Variants in ESRP1 observed in about 807,000 individuals in gnomAD.
ESRP1 encodes RNA-binding motif protein 35A.
A neutral mutation model predicts 81.7 loss-of-function variants in ESRP1; 33 were observed. That is an observed-to-expected ratio of 0.40 (90% CI 0.31 to 0.54). The LOEUF is 0.54. ESRP1 is among the 20% of genes least tolerant of loss of function. ESRP1 has a pLI of 0.41. For synonymous variants in ESRP1, 320 were observed against 303.3 expected, an observed-to-expected ratio of 1.06 and a Z score of -0.57; for missense variants, 672 against 833.1, an observed-to-expected ratio of 0.81 and a Z score of 2.38.
At chr8:94,678,137 T>C in intron 12 of ESRP1, 66 bp from the exon 13 acceptor site, 5 of 1,520,112 alleles carry the variant, frequency 3.3e-6, no homozygotes, top group African/African-American at 1.4e-5. Context: ...ACTATGTTTT[T>C]AGTGCTAGCA....
intron 4 of ESRP1, among the ~76,000 whole-genome samples, chr8:94,659,529 GCATCTAACCTT>G (rs1427434819): frequency 1.3e-5 from 2 of 152,140 alleles, no homozygotes; most frequent in East Asian, 3.8e-4. Flanking sequence ...CCCTACAACA[GCATCTAACCTT>G]TCAAATGAAA....
In ESRP1 at chr8:94,696,930, C is replaced by G; in HGVS notation, c.*4C>G. 6.3e-7 allele frequency: 1 copy of G among 1,579,112 alleles called. No homozygotes were observed. The highest frequency in any genetic ancestry group is 1.2e-5 in the South Asian group (1 of 85,836). On this transcript the variant is annotated 3_prime_UTR_variant, in exon 15 of 16. Transcript: ENST00000433389. ...CAAAGAATGGGTTTGTATTTAAGGG[C>G]CCCAGCAGTTAGAACATCCTCAGAA...
Position 94,689,811 on chromosome 8 carries a change from C to CTTT in ESRP1, c.1821-2843_1821-2841dup, listed in dbSNP as rs58359551. 5.8e-3 allele frequency among the ~76,000 whole-genome samples: 373 copies of CTTT among 64,608 alleles called. 9 individuals are homozygous for CTTT. Among genetic ancestry groups the CTTT allele is most frequent in the African/African-American group, 0.015 (214 of 14,480 alleles). The allele number at this position is 64,608 out of a possible 152,430, so 42.4% of individuals were successfully genotyped here. On this transcript the variant is annotated intron_variant, in intron 13 of 15. Coordinates refer to ENST00000433389, the MANE Select transcript of ESRP1 (RefSeq NM_017697.4). The stretch of plus-strand genomic sequence containing the variant: ...CACAGGCATGTGCTATGATGCCTGG[C>CTTT]TTTTTTTTTTTTTTTTTTTTTTTTT...
At position 94,705,037 on chromosome 8, in the gene ESRP1, C is replaced by A. The variant is rs988990477; in HGVS notation, c.*36-888C>A. 2.0e-5 allele frequency among the ~76,000 whole-genome samples: 3 copies of A among 151,510 alleles called. No individual in the cohort carries two copies. The East Asian group carries it at 5.9e-4, about 30-fold the overall frequency. On this transcript the variant is annotated intron_variant, in intron 15 of 15. Transcript: ENST00000433389. ...TCTAAAATGGGGATAACAAGGTAAT[C>A]TAAAAGGTTGTATGTGGGGATGAAA...
At chr8:94,675,980 A>G (rs776812386) in intron 12 of ESRP1, among the ~76,000 whole-genome samples, 8 of 152,198 alleles carry the variant, frequency 5.3e-5, no homozygotes, top group Non-Finnish European at 8.8e-5. Context: ...CTTTTATGCA[A>G]CTTCTTAAAG....
intron 10 of ESRP1, among the ~76,000 whole-genome samples, chr8:94,670,632 T>C (rs1016329308): frequency 1.3e-5 from 2 of 152,246 alleles, no homozygotes; most frequent in African/African-American, 4.8e-5. Flanking sequence ...ACTTCTAGTA[T>C]TATGAACTAG....
chr8:94,643,308 C>T lies in ESRP1; in HGVS notation c.267C>T (p.Asn89=), dbSNP rs1433839492. 3 of 1,602,812 alleles carry T rather than the reference C, an allele frequency of 1.9e-6. No homozygotes were observed. The highest frequency in any genetic ancestry group is 2.6e-6 in the Non-Finnish European group (3 of 1,169,756). ...SQLDQALRQF[N]QSVSNELNIG... is the part of the protein sequence containing the mutation. ...TGTGTATCTTGTTCTTGCAGTTTAA[C>T]CAGTCAGTGAGCAATGAACTGAATA... The change falls in exon 3 of 16, where the codon AAC becomes AAT. Residue 89 remains asparagine (N), a synonymous_variant. Transcript: ENST00000433389.
intron 4 of ESRP1, chr8:94,646,492 T>C (rs1018655218): frequency 2.4e-6 from 1 of 413,994 alleles, no homozygotes; most frequent in Non-Finnish European, 4.3e-6. Context: ...GATTTGGAGA[T>C]GGATTTTTTG....
rs552295285 is a variant in ESRP1, at chr8:94,648,850, G to A, written c.490+2568G>A. 6.6e-5 allele frequency among the ~76,000 whole-genome samples: 10 copies of A among 152,330 alleles called. No individual in the cohort carries two copies. The East Asian group carries it at 1.9e-3, about 29-fold the overall frequency. On this transcript the variant is annotated intron_variant, in intron 4 of 15. Coordinates refer to ENST00000433389, the MANE Select transcript of ESRP1 (RefSeq NM_017697.4). ...AGAAATATCAATTTGGACCCTCAGT[G>A]ATGTCACAATATTCTAAGTGTTTTG... is the stretch of plus-strand genomic sequence containing the variant.
chr8:94,682,961 T>TTTTG (rs1261616183), intron 13 of ESRP1, among the ~76,000 whole-genome samples: 17 of 104,176 alleles, frequency 1.6e-4, no homozygotes, highest in Non-Finnish European at 3.0e-4. Flanking sequence ...TTTTTTTTTT[T>TTTTG]GAGACGGAGT....
At position 94,689,811 on chromosome 8, in the gene ESRP1, C is replaced by CTTTTTTTTTTTTTTTTTTTTTTT. The variant is rs58359551; in HGVS notation, c.1821-2863_1821-2841dup. 1.0e-3 allele frequency among the ~76,000 whole-genome samples: 67 copies of CTTTTTTTTTTTTTTTTTTTTTTT among 64,650 alleles called. 7 individuals carry two copies. The highest frequency in any genetic ancestry group is 1.3e-3 in the Non-Finnish European group (45 of 33,650). 42.4% of individuals were successfully genotyped at this position (64,650 alleles called of 152,430 possible). A position where few individuals can be genotyped will look rare whatever the true frequency, so the allele number is the denominator to read the frequency against. Reference sequence around the variant, plus strand: ...CACAGGCATGTGCTATGATGCCTGGCTTTTTTTTTTTTTTTTTTTTTTTTT... The same window carrying CTTTTTTTTTTTTTTTTTTTTTTT: ...CACAGGCATGTGCTATGATGCCTGGCTTTTTTTTTTTTTTTTTTTTTTTTTTTTTTTTTTTTTTTTTTTTTTTT... On this transcript the variant is annotated intron_variant, in intron 13 of 15. Transcript: ENST00000433389.
At chr8:94,686,131 G>A (rs971207283) in intron 13 of ESRP1, among the ~76,000 whole-genome samples, 6 of 152,120 alleles carry the variant, frequency 3.9e-5, no homozygotes, top group Non-Finnish European at 8.8e-5. Flanking sequence ...GTTTTGCCAT[G>A]TTGGCCAGAG....
At chr8:94,686,941 T>G (rs1460121206) in intron 13 of ESRP1, among the ~76,000 whole-genome samples, 1 of 152,226 alleles carries the variant, frequency 6.6e-6, no homozygotes, top group Non-Finnish European at 1.5e-5. Context: ...CACATGATTT[T>G]TATTACAGCT....
In ESRP1 at chr8:94,695,539, A is replaced by G. The variant is rs1159813574; in HGVS notation, c.1972-1313A>G. Among the ~76,000 whole-genome samples the G allele has an allele frequency of 2.0e-5, 3 of 150,786 alleles. No individual in the cohort carries two copies. The East Asian group carries it at 5.9e-4, about 30-fold the overall frequency. ...GGCTAATATTTTGTATTTTTTTGGTAGAGATGGGGTTTTACCATGCTGGCC... is the reference window on the plus strand; with the variant it reads ...GGCTAATATTTTGTATTTTTTTGGTGGAGATGGGGTTTTACCATGCTGGCC... On this transcript the variant is annotated intron_variant, in intron 14 of 15. Coordinates refer to ENST00000433389, the MANE Select transcript of ESRP1 (RefSeq NM_017697.4).
rs1194533404 is a variant in ESRP1, at chr8:94,642,073, G to A, written c.250G>A (p.Ala84Thr). The change falls in exon 2 of 16, where the codon GCC becomes ACC. Residue 84 changes from alanine to threonine, a missense_variant. By Grantham distance (58) the Ala-to-Thr change is moderately conservative. Coordinates refer to ENST00000433389, the MANE Select transcript of ESRP1 (RefSeq NM_017697.4). ...SLSSASQLDQ[A>T]LRQFNQSVSN... ...GTCCTCGGCGTCGCAGCTGGACCAA[G>A]CCCTCCGACAGGTGACAACCCCGGG... 3 of 1,612,008 alleles carry A rather than the reference G, an allele frequency of 1.9e-6. No individual in the cohort carries two copies. The highest frequency in any genetic ancestry group is 2.2e-5 in the South Asian group (2 of 91,032).
intron 14 of ESRP1, 114 bp downstream of exon 14, chr8:94,692,941 C>T: frequency 1.7e-6 from 2 of 1,143,694 alleles, no homozygotes; most frequent in Non-Finnish European, 2.4e-6. Context: ...TGTATATATG[C>T]TAATGGATTT....
rs143914507 is a variant in ESRP1 at position 94,652,459 on chromosome 8, T to C, written c.490+6177T>C. Among the ~76,000 whole-genome samples, 1,333 of 150,626 alleles carry C rather than the reference T, an allele frequency of 8.8e-3. 18 individuals are homozygous for C. Among genetic ancestry groups the C allele is most frequent in the African/African-American group, 0.03 (1,238 of 40,792 alleles). On this transcript the variant is annotated intron_variant, in intron 4 of 15. Transcript: ENST00000433389. ...TGAGGATGGTGAGGGTGTGAGATGA[T>C]AGGGACGGGGGCTTCTGTGGTTTTT... is the stretch of plus-strand genomic sequence containing the variant.
At position 94,664,909 on chromosome 8, in the gene ESRP1, GT is replaced by G. The variant is rs1417659039; in HGVS notation, c.756-14del. On this transcript the variant is annotated splice_polypyrimidine_tract_variant and intron_variant, in intron 7 of 15. Coordinates refer to ENST00000433389, the MANE Select transcript of ESRP1 (RefSeq NM_017697.4). The stretch of plus-strand genomic sequence containing the variant: ...GTATTTTTTTTTCTACCTGCTGTCT[GT>G]TTTATTATTCTCAAAGGGGAGGTGC... 12 of 1,609,090 alleles carry G rather than the reference GT, an allele frequency of 7.5e-6. No individual in the cohort carries two copies. Among genetic ancestry groups the G allele is most frequent in the Non-Finnish European group, 1.0e-5 (12 of 1,178,578 alleles).
intron 3 of ESRP1, among the ~76,000 whole-genome samples, chr8:94,645,822 T>C (rs1365859117): frequency 6.6e-6 from 1 of 152,184 alleles, no homozygotes; most frequent in Non-Finnish European, 1.5e-5. Context: ...ATACAGATGT[T>C]CTAAAATGGT....
Sources: gnomAD v4.1 joint callset for allele counts (sites outside exome capture counted in the v4.1 genomes callset) on GRCh38, gnomAD v4.1.1 for gene constraint, MANE v1.5 for transcripts, NCBI Gene and HGNC (gene_info 2026-07-23, HGNC 2026-07-21) for gene names.